Variants in AGK observed in about 807,000 individuals in gnomAD.
The protein encoded by AGK is acylglycerol kinase, mitochondrial.
AGK carries 52 observed loss-of-function variants against 66.4 expected under a neutral mutation model. The observed-to-expected ratio is 0.78, with a 90% CI of 0.63 to 0.99. The LOEUF (loss-of-function observed/expected upper bound fraction) is 0.99. Among genes scored for constraint, AGK ranks in the 50% least tolerant of loss-of-function variants. The pLI, the probability that AGK is intolerant of heterozygous loss-of-function variation, is 0.00. For synonymous variants in AGK, 182 were observed against 181.1 expected (o/e 1.00, Z -0.04); for missense variants, 451 against 506.6 (o/e 0.89, Z 1.05).
intron 2 of AGK, among the ~76,000 whole-genome samples, chr7:141,579,574 A>C (rs1795838632): frequency 6.6e-6 from 1 of 151,950 alleles, no homozygotes; most frequent in Non-Finnish European, 1.5e-5. Flanking sequence ...TTAATTTGCC[A>C]GTCCTGGGCA....
Position 141,584,884 on chromosome 7 carries a change from G to A in AGK, c.102-8262G>A, listed in dbSNP as rs117940337. Among the ~76,000 whole-genome samples, 418 of 152,236 alleles carry A rather than the reference G, an allele frequency of 2.7e-3. 2 individuals carry two copies. Among genetic ancestry groups the A allele is most frequent in the Non-Finnish European group, 4.5e-3 (303 of 68,012 alleles). On this transcript the variant is annotated intron_variant, in intron 2 of 15. Transcript: ENST00000649286. ...TGAAGACAGCCACCACTTAATATAT[G>A]GTTGTCAATAGGATTTCTTCCTGAC...
chr7:141,611,172 C>A, intron 5 of AGK, 23 bp from the exon 6 acceptor site: 4 of 1,568,308 alleles, frequency 2.6e-6, no homozygotes, highest in Non-Finnish European at 3.5e-6. Flanking sequence ...ATAAACTCAC[C>A]AAAGGCTTCC....
chr7:141,577,819 T>TTC (rs1491240696), intron 2 of AGK, among the ~76,000 whole-genome samples: 223 of 121,180 alleles, frequency 1.8e-3, no homozygotes, highest in African/African-American at 8.0e-3. Flanking sequence ...ATAAATCTTC[T>TTC]TTTTTTTTTT....
At chr7:141,634,001 T>C (rs1008752869) in intron 10 of AGK, 21 bp downstream of exon 10, 1 of 1,592,286 alleles carries the variant, frequency 6.3e-7, no homozygotes, top group South Asian at 1.1e-5. Context: ...ACTATATTGA[T>C]GTGTGATGTT....
At chr7:141,651,036 G>T (rs1238584438) in intron 14 of AGK, among the ~76,000 whole-genome samples, 1 of 152,204 alleles carries the variant, frequency 6.6e-6, no homozygotes, top group African/African-American at 2.4e-5. Flanking sequence ...GAATCCACGG[G>T]AGTGGGACCC....
At chr7:141,565,441 A>G (rs533274837) in intron 2 of AGK, among the ~76,000 whole-genome samples, 4 of 152,264 alleles carry the variant, frequency 2.6e-5, no homozygotes, top group South Asian at 4.1e-4. Flanking sequence ...AACTAAGGTC[A>G]GGAGTTCGAG....
intron 5 of AGK, among the ~76,000 whole-genome samples, chr7:141,603,804 A>T (rs1263222684): frequency 6.6e-6 from 1 of 152,198 alleles, no homozygotes; most frequent in Admixed American, 6.5e-5. Context: ...TCCACTATGT[A>T]TCTTGACATG....
At chr7:141,621,840 T>C (rs1165780657) in intron 9 of AGK, 39 bp downstream of exon 9, 1 of 1,412,008 alleles carries the variant, frequency 7.1e-7, no homozygotes, top group South Asian at 1.2e-5. Flanking sequence ...ATTGTGAAAG[T>C]AATACTCGCT....
At chr7:141,612,433 T>TTG (rs1796609103) in intron 6 of AGK, among the ~76,000 whole-genome samples, 3 of 152,178 alleles carry the variant, frequency 2.0e-5, no homozygotes, top group Admixed American at 2.0e-4. Context: ...CACAAATTTT[T>TTG]TGTGTGTATT....
At chr7:141,601,802 G>A (rs1796350430) in intron 5 of AGK, among the ~76,000 whole-genome samples, 2 of 152,136 alleles carry the variant, frequency 1.3e-5, no homozygotes. Flanking sequence ...AATTTTAAAT[G>A]AGATATATGT....
At chr7:141,569,197 G>A (rs961582889) in intron 2 of AGK, among the ~76,000 whole-genome samples, 1 of 152,156 alleles carries the variant, frequency 6.6e-6, no homozygotes, top group Non-Finnish European at 1.5e-5. Context: ...GTTTGCCTGA[G>A]GGGTGTGTTC....
intron 2 of AGK, among the ~76,000 whole-genome samples, chr7:141,556,410 G>A (rs914277389): frequency 1.3e-5 from 2 of 151,834 alleles, no homozygotes; most frequent in East Asian, 1.9e-4. Context: ...CAGTAGTGGC[G>A]TGCACCTGTA....
intron 4 of AGK, among the ~76,000 whole-genome samples, chr7:141,597,907 A>G (rs1796261512): frequency 6.8e-6 from 1 of 146,836 alleles, no homozygotes; most frequent in Non-Finnish European, 1.5e-5. Context: ...AAAAAAAAAA[A>G]AAAAAAAAAA....
rs944151291 is a variant in AGK, at chr7:141,596,845, A to G, written c.221+204A>G. On this transcript the variant is annotated intron_variant, in intron 4 of 15. Transcript: ENST00000649286. The stretch of plus-strand genomic sequence containing the variant: ...AATGGATGCTTAGCAAACTTGTCTA[A>G]TTGAAGTTTAATAATCATTCCATGA... 3.9e-4 allele frequency: 215 copies of G among 549,926 alleles called. 3 individuals are homozygous for G. The highest frequency in any genetic ancestry group is 1.2e-3 in the South Asian group (45 of 38,754). 34.1% of individuals were successfully genotyped at this position (549,926 alleles called of 1,614,324 possible).
At chr7:141,583,382 A>G (rs1322530808) in intron 2 of AGK, among the ~76,000 whole-genome samples, 1 of 150,136 alleles carries the variant, frequency 6.7e-6, no homozygotes, top group Non-Finnish European at 1.5e-5. Context: ...CCCCCAGGAA[A>G]GTGGAGAGGA....
intron 13 of AGK, among the ~76,000 whole-genome samples, chr7:141,642,918 T>C (rs1301957571): frequency 1.3e-5 from 2 of 152,202 alleles, no homozygotes; most frequent in African/African-American, 4.8e-5. Flanking sequence ...CTGACCCTAG[T>C]ATAGAGAAAA....
At position 141,556,682 on chromosome 7, in the gene AGK, T is replaced by C. The variant is rs1375491942; in HGVS notation, c.101+1115T>C. 2.0e-5 allele frequency among the ~76,000 whole-genome samples: 3 copies of C among 152,216 alleles called. No individual in the cohort carries two copies. The East Asian group carries it at 5.8e-4, about 29-fold the overall frequency. On this transcript the variant is annotated intron_variant, in intron 2 of 15. Coordinates refer to ENST00000649286, the MANE Select transcript of AGK (RefSeq NM_018238.4). ...AGTAGTAAGCAAGTACTGGAACTCATGTCTCCCTGGCATTTTATTCCTTCC... is the reference window on the plus strand; with the variant it reads ...AGTAGTAAGCAAGTACTGGAACTCACGTCTCCCTGGCATTTTATTCCTTCC...
chr7:141,559,406 T>C lies in AGK; in HGVS notation c.101+3839T>C, dbSNP rs569069258. On this transcript the variant is annotated intron_variant, in intron 2 of 15. Transcript: ENST00000649286. ...CCATTGCGTGGTCTTGGCATCCCTA[T>C]TGAAGATCATTTGACCATATAGATG... Among the ~76,000 whole-genome samples, 6 of 152,324 alleles carry C rather than the reference T, an allele frequency of 3.9e-5. No individual in the cohort carries two copies. In the South Asian group the frequency reaches 6.2e-4, roughly 16 times the overall value.
At position 141,654,045 on chromosome 7, in the gene AGK, A is replaced by AAGAATCCTATCATAATGTAATCT. The variant is rs1211981158; in HGVS notation, c.*1123_*1145dup. The AAGAATCCTATCATAATGTAATCT allele has an allele frequency of 1.3e-5, 2 of 152,194 alleles. No homozygotes were observed. The highest frequency in any genetic ancestry group is 2.9e-5 in the Non-Finnish European group (2 of 68,028). 9.4% of individuals were successfully genotyped at this position (152,194 alleles called of 1,614,324 possible). A position where few individuals can be genotyped will look rare whatever the true frequency, so the allele number is the denominator to read the frequency against. On this transcript the variant is annotated 3_prime_UTR_variant, in exon 16 of 16. Coordinates refer to ENST00000649286, the MANE Select transcript of AGK (RefSeq NM_018238.4). ...TGTATTTCCATACCACTTTTCAGCC[A>AAGAATCCTATCATAATGTAATCT]AGAATCCTATCATAATGTAATCTAT...
Sources: gnomAD v4.1 joint callset for allele counts (sites outside exome capture counted in the v4.1 genomes callset) on GRCh38, gnomAD v4.1.1 for gene constraint, MANE v1.5 for transcripts, NCBI Gene and HGNC (gene_info 2026-07-23, HGNC 2026-07-21) for gene names.